The following TENM2 variants were observed in gnomAD, a reference collection of about 807,000 sequenced individuals.
TENM2 encodes the protein teneurin transmembrane protein 2, also known as teneurin-2.
TENM2 carries 52 observed loss-of-function variants against 245.2 expected under a neutral mutation model. The observed-to-expected ratio is 0.21, with a 90% CI of 0.17 to 0.27. The LOEUF (loss-of-function observed/expected upper bound fraction) is 0.27. TENM2 is among the 10% of genes least tolerant of loss of function. The pLI, the probability that TENM2 is intolerant of heterozygous loss-of-function variation, is 1.00. For synonymous variants in TENM2, 1,363 were observed against 1,438.9 expected (o/e 0.95, Z 1.19); for missense variants, 3,046 against 3,666.8 (o/e 0.83, Z 4.37).
chr5:167,921,818 C>G (rs1777392257), intron 3 of TENM2, among the ~76,000 whole-genome samples: 1 of 152,160 alleles, frequency 6.6e-6, no homozygotes, highest in Non-Finnish European at 1.5e-5. Flanking sequence ...TACTTGACCT[C>G]ATGAAATCTT....
At position 168,247,265 on chromosome 5, in the gene TENM2, A is replaced by G. The variant is rs1157927198; in HGVS notation, c.6326A>G (p.Glu2109Gly). The G allele has an allele frequency of 6.2e-7, 1 of 1,613,964 alleles. No homozygotes were observed. The highest frequency in any genetic ancestry group is 1.3e-5 in the African/African-American group (1 of 75,020). ...GCAAGCATCAAGCCCGTCATAAGTGAGACTCCCCTCCCCGTTGACCTCTAC... is the reference window on the plus strand; with the variant it reads ...GCAAGCATCAAGCCCGTCATAAGTGGGACTCCCCTCCCCGTTGACCTCTAC... The change falls in exon 27 of 29, where the codon GAG (glutamate) becomes GGG (glycine). Residue 2109 changes from glutamate (E) to glycine (G), a missense_variant. Physicochemically the swap from Glu to Gly is moderately conservative, Grantham distance 98. Transcript: ENST00000518659. This position sits in a 1 kb window ranked among gnomAD's most constrained non-coding sequence, Gnocchi z 7.8.
chr5:168,104,473 C>T (rs1432690252), intron 9 of TENM2, among the ~76,000 whole-genome samples: 4 of 152,200 alleles, frequency 2.6e-5, no homozygotes, highest in South Asian at 2.1e-4. Flanking sequence ...TGCAGGCAGC[C>T]GGCAGACTCA....
At chr5:167,719,330 A>G (rs1005744038) in intron 2 of TENM2, among the ~76,000 whole-genome samples, 1 of 152,238 alleles carries the variant, frequency 6.6e-6, no homozygotes, top group African/African-American at 2.4e-5. Context: ...TTTCAATAAC[A>G]TAGCACAGAG....
intron 2 of TENM2, among the ~76,000 whole-genome samples, chr5:167,410,211 A>G (rs1436722498): frequency 6.6e-6 from 1 of 151,934 alleles, no homozygotes; most frequent in Non-Finnish European, 1.5e-5. Flanking sequence ...ATATGTTTGA[A>G]TTTGTCTTGA....
At chr5:167,196,500 G>GTA in the TENM2 span, among the ~76,000 whole-genome samples, 4,058 of 148,852 alleles carry the variant, frequency 0.027, 266 homozygotes, top group African/African-American at 0.096. Flanking sequence ...ATATATATGT[G>GTA]TATATATATG....
intron 2 of TENM2, among the ~76,000 whole-genome samples, chr5:167,460,460 G>T (rs1463561640): frequency 6.6e-6 from 1 of 152,070 alleles, no homozygotes; most frequent in African/African-American, 2.4e-5. Flanking sequence ...AAACTGTGAA[G>T]GGTTCTTTTA....
chr5:167,418,259 G>T (rs1031745166), intron 2 of TENM2, among the ~76,000 whole-genome samples: 1 of 151,866 alleles, frequency 6.6e-6, no homozygotes, highest in African/African-American at 2.4e-5. Flanking sequence ...AACCCCGGAG[G>T]TGGAGGTTGA....
At chr5:168,066,967 G>A (rs1018751096) in intron 7 of TENM2, among the ~76,000 whole-genome samples, 2 of 152,296 alleles carry the variant, frequency 1.3e-5, no homozygotes, top group East Asian at 3.9e-4. Flanking sequence ...AAGTTTGCTT[G>A]ACAGTTCATC....
intron 2 of TENM2, among the ~76,000 whole-genome samples, chr5:167,697,529 G>T (rs767824063): frequency 6.6e-6 from 1 of 151,164 alleles, no homozygotes; most frequent in Non-Finnish European, 1.5e-5. Context: ...TTGAATGAAA[G>T]AGTTATCAAT....
Position 168,131,440 on chromosome 5 carries a change from C to G in TENM2, c.2422+4474C>G, listed in dbSNP as rs1006544867. Among the ~76,000 whole-genome samples, 3 of 152,192 alleles carry G rather than the reference C, an allele frequency of 2.0e-5. No individual in the cohort carries two copies. The South Asian group carries it at 6.2e-4, about 32-fold the overall frequency. On this transcript the variant is annotated intron_variant, in intron 12 of 28. Coordinates refer to ENST00000518659, the Ensembl canonical transcript of TENM2. Reference sequence around the variant, plus strand: ...CAGTACAGTTTTCTTTTCCCTGTATCGCACTGGGCCCTTCTATTTTTCCTC... The same window carrying G: ...CAGTACAGTTTTCTTTTCCCTGTATGGCACTGGGCCCTTCTATTTTTCCTC...
At chr5:167,143,134 T>C in the TENM2 span, among the ~76,000 whole-genome samples, 3 of 152,168 alleles carry the variant, frequency 2.0e-5, no homozygotes, top group African/African-American at 7.2e-5. Context: ...AATTGTGAAT[T>C]AGGGCAATCC....
chr5:167,959,931 TGTTA>T (rs1438365075), intron 4 of TENM2, among the ~76,000 whole-genome samples: 2 of 152,198 alleles, frequency 1.3e-5, no homozygotes, highest in African/African-American at 4.8e-5. Context: ...CCTTTCTGTT[TGTTA>T]GTTTCCAGTC....
At chr5:168,080,486 T>A (rs1389445514) in intron 7 of TENM2, among the ~76,000 whole-genome samples, 1 of 152,236 alleles carries the variant, frequency 6.6e-6, no homozygotes, top group East Asian at 1.9e-4. Context: ...TTGAATGTGT[T>A]TGCTCTTGCT....
chr5:168,083,773 G>A lies in TENM2; in HGVS notation c.1516-6801G>A, dbSNP rs374884537. Among the ~76,000 whole-genome samples the A allele has an allele frequency of 4.6e-5, 7 of 152,044 alleles. No homozygotes were observed. The East Asian group carries it at 1.2e-3, about 25-fold the overall frequency. On this transcript the variant is annotated intron_variant, in intron 7 of 28. Transcript: ENST00000518659. ...TTCAGCTTTTTTTTTAGACTCAGAG[G>A]TACATGAGCAAGTTTGTTACCTGGG...
intron 3 of TENM2, among the ~76,000 whole-genome samples, chr5:167,913,588 T>A (rs1776708291): frequency 6.6e-6 from 1 of 152,166 alleles, no homozygotes; most frequent in South Asian, 2.1e-4. Context: ...TAGTTTCTGG[T>A]GGAGAAATTG....
chr5:167,972,854 C>A lies in TENM2; in HGVS notation c.947+20032C>A, dbSNP rs116645981. On this transcript the variant is annotated intron_variant, in intron 4 of 28. Transcript: ENST00000518659. ...GAAATGCCAATACCTCTTCTTAATG[C>A]CAGATATAGTATGAGAAACAGACAT... Among the ~76,000 whole-genome samples the A allele has an allele frequency of 6.5e-3, 986 of 152,114 alleles. 8 individuals are homozygous for A. Among genetic ancestry groups the A allele is most frequent in the African/African-American group, 0.023 (934 of 41,464 alleles).
chr5:168,135,113 G>T (rs1754931689), intron 12 of TENM2, among the ~76,000 whole-genome samples: 1 of 152,128 alleles, frequency 6.6e-6, no homozygotes, highest in South Asian at 2.1e-4. Context: ...ATGCCTTCTG[G>T]AAAATCAAGA....
At chr5:168,112,616 GT>G (rs1794769453) in intron 9 of TENM2, among the ~76,000 whole-genome samples, 1 of 102,262 alleles carries the variant, frequency 9.8e-6, no homozygotes, top group African/African-American at 3.8e-5. Context: ...CGGGGGGGGG[GT>G]CAAACTTTAT....
At chr5:167,852,484 A>T (rs1430008706) in intron 2 of TENM2, among the ~76,000 whole-genome samples, 1 of 152,220 alleles carries the variant, frequency 6.6e-6, no homozygotes, top group African/African-American at 2.4e-5. Flanking sequence ...AGCATCTTTT[A>T]GCTGTAAATT....
Sources: gnomAD v4.1 joint callset for allele counts (sites outside exome capture counted in the v4.1 genomes callset) on GRCh38, gnomAD v4.1.1 for gene constraint, Gnocchi (gnomAD v3.1) non-coding constraint, MANE v1.5 for transcripts, NCBI Gene and HGNC (gene_info 2026-07-23, HGNC 2026-07-21) for gene names.